Variants in MYRIP observed in about 807,000 individuals in gnomAD.
MYRIP encodes the protein myosin VIIA and Rab interacting protein.
Under a neutral mutation model 98.0 loss-of-function variants are expected in MYRIP, and 49 were observed. That is an observed-to-expected ratio of 0.50 (90% CI 0.40 to 0.63). The LOEUF is 0.63. Among genes scored for constraint, MYRIP ranks in the 30% least tolerant of loss-of-function variants. The pLI is 0.00. For synonymous variants in MYRIP, 404 were observed against 409.5 expected (o/e 0.99, Z 0.16); for missense variants, 1,004 against 1,058.2 (o/e 0.95, Z 0.71).
intron 1 of MYRIP, among the ~76,000 whole-genome samples, chr3:39,827,386 T>G (rs530935576): frequency 6.6e-6 from 1 of 152,346 alleles, no homozygotes; most frequent in South Asian, 2.1e-4. Context: ...ATACTCAGTT[T>G]ATAGGCGTGA....
At position 40,233,908 on chromosome 3, in the gene MYRIP, T is replaced by A; in HGVS notation, c.1955T>A (p.Val652Asp). The A allele has an allele frequency of 1.2e-6, 2 of 1,613,546 alleles. No homozygotes were observed. Among genetic ancestry groups the A allele is most frequent in the Non-Finnish European group, 8.5e-7 (1 of 1,179,832 alleles). The stretch of plus-strand genomic sequence containing the variant: ...AACATCTCCACAGAAGTCCTGAAAG[T>A]CATCAATGCCACAGAGGAGTTGATA... ...LCNISTEVLK[V>D]INATEELIAG... Residue 652 changes from valine to aspartate, a missense_variant, in exon 12 of 17, where the codon GTC becomes GAC. Transcript: ENST00000302541.
chr3:39,975,922 G>A (rs143075340), intron 2 of MYRIP, among the ~76,000 whole-genome samples: 1,603 of 152,284 alleles, frequency 0.011, 11 homozygotes, highest in Non-Finnish European at 0.019. Flanking sequence ...AGACTTAAAT[G>A]TTAGACCTCA....
chr3:39,972,860 G>A (rs927115628), intron 2 of MYRIP, among the ~76,000 whole-genome samples: 9 of 151,572 alleles, frequency 5.9e-5, no homozygotes, highest in Admixed American at 5.3e-4. Context: ...CCAAAAAATA[G>A]TCCATGCCCT....
At chr3:40,143,631 G>A (rs1949954239) in intron 3 of MYRIP, among the ~76,000 whole-genome samples, 1 of 151,970 alleles carries the variant, frequency 6.6e-6, no homozygotes, top group Non-Finnish European at 1.5e-5. Context: ...ACTTTTTCCT[G>A]GCAGAAAGTA....
intron 2 of MYRIP, among the ~76,000 whole-genome samples, chr3:39,958,016 C>A (rs968442831): frequency 6.3e-4 from 96 of 151,816 alleles, no homozygotes; most frequent in Admixed American, 5.9e-3. Flanking sequence ...ACCAGTGCTC[C>A]ACGAAATAAA....
intron 1 of MYRIP, among the ~76,000 whole-genome samples, chr3:39,878,226 C>T (rs927448903): frequency 1.3e-5 from 2 of 152,178 alleles, no homozygotes; most frequent in Admixed American, 6.5e-5. Context: ...GGGAGTGACC[C>T]GATTTTCCAG....
intron 3 of MYRIP, among the ~76,000 whole-genome samples, chr3:40,063,685 C>T (rs1415637409): frequency 6.6e-6 from 1 of 152,114 alleles, no homozygotes; most frequent in African/African-American, 2.4e-5. Flanking sequence ...GGGAACAAAC[C>T]AGGTGGGAAT....
At chr3:40,182,186 T>A in intron 8 of MYRIP, 34 bp from the exon 9 acceptor site, 1 of 1,570,966 alleles carries the variant, frequency 6.4e-7, no homozygotes, top group African/African-American at 1.4e-5. Context: ...CTGTACCTTA[T>A]GAGCTCACCC....
intron 3 of MYRIP, among the ~76,000 whole-genome samples, chr3:40,148,152 A>AT (rs1313914694): frequency 1.3e-5 from 2 of 152,102 alleles, no homozygotes; most frequent in Non-Finnish European, 2.9e-5. Flanking sequence ...TAGCATCATT[A>AT]TTTTTATCCT....
chr3:39,958,062 C>T (rs1416501151), intron 2 of MYRIP, among the ~76,000 whole-genome samples: 3 of 152,310 alleles, frequency 2.0e-5, no homozygotes, highest in East Asian at 3.9e-4. Flanking sequence ...ATTCCATGCT[C>T]ATGGATAAGA....
intron 3 of MYRIP, among the ~76,000 whole-genome samples, chr3:40,087,473 G>C (rs1212997043): frequency 6.6e-6 from 1 of 152,160 alleles, no homozygotes; most frequent in Non-Finnish European, 1.5e-5. Flanking sequence ...CAAGAAGGGA[G>C]TGTGTTATGA....
At chr3:39,877,460 C>A (rs4389417) in intron 1 of MYRIP, among the ~76,000 whole-genome samples, 48,432 of 151,392 alleles carry the variant, frequency 0.32, 7,834 homozygotes, top group Middle Eastern at 0.46. Flanking sequence ...GTTTTTTCCC[C>A]ATCTTTGTGG....
intron 1 of MYRIP, among the ~76,000 whole-genome samples, chr3:39,897,995 C>T (rs1326056927): frequency 1.3e-5 from 2 of 152,130 alleles, no homozygotes; most frequent in Non-Finnish European, 2.9e-5. Flanking sequence ...ATGCCATTAA[C>T]ACCTTTAATG....
At chr3:40,234,208 G>T (rs773380938) in intron 12 of MYRIP, among the ~76,000 whole-genome samples, 155 bp downstream of exon 12, 9 of 152,158 alleles carry the variant, frequency 5.9e-5, no homozygotes, top group Non-Finnish European at 1.0e-4. Flanking sequence ...ACCTTAGGTT[G>T]GATTCCCCAG....
intron 3 of MYRIP, among the ~76,000 whole-genome samples, chr3:40,045,374 C>A (rs1381990344): frequency 1.3e-5 from 2 of 152,042 alleles, no homozygotes; most frequent in African/African-American, 2.4e-5. Context: ...CTGGGTGCTA[C>A]GCAGGTCCTG....
chr3:40,099,088 C>A (rs1294804089), intron 3 of MYRIP, among the ~76,000 whole-genome samples: 1 of 152,166 alleles, frequency 6.6e-6, no homozygotes, highest in East Asian at 1.9e-4. Flanking sequence ...GGACAATTAA[C>A]CAGCTTTTCC....
In MYRIP at chr3:40,258,294, C is replaced by T; in HGVS notation, c.*128C>T. ...AAGGCCTGGGGAGGCCACAGTGCAC[C>T]ATTGCACAGGGCTGTCCTGATACCT... On this transcript the variant is annotated 3_prime_UTR_variant, in exon 17 of 17. Coordinates refer to ENST00000302541, the MANE Select transcript of MYRIP (RefSeq NM_015460.4). The T allele has an allele frequency of 2.7e-6, 3 of 1,097,040 alleles. No homozygotes were observed. In the South Asian group the frequency reaches 3.8e-5, roughly 14 times the overall value. 68.0% of individuals were successfully genotyped at this position (1,097,040 alleles called of 1,614,324 possible).
intron 2 of MYRIP, among the ~76,000 whole-genome samples, chr3:39,925,124 GT>G (rs1472152974): frequency 2.0e-5 from 3 of 151,380 alleles, no homozygotes; most frequent in African/African-American, 7.3e-5. Context: ...GATCATTTAG[GT>G]TGTAAACAGA....
At chr3:40,155,750 G>A (rs1267570582) in intron 4 of MYRIP, among the ~76,000 whole-genome samples, 2 of 152,018 alleles carry the variant, frequency 1.3e-5, no homozygotes, top group East Asian at 1.9e-4. Flanking sequence ...CAGTGATGGC[G>A]AGCATTTTTT....
Sources: gnomAD v4.1 joint callset for allele counts (sites outside exome capture counted in the v4.1 genomes callset) on GRCh38, gnomAD v4.1.1 for gene constraint, MANE v1.5 for transcripts, NCBI Gene and HGNC (gene_info 2026-07-23, HGNC 2026-07-21) for gene names.